Variants in CFAP46 observed in about 807,000 individuals in gnomAD.
CFAP46 encodes the protein cilia and flagella associated protein 46, also known as cilia- and flagella-associated protein 46.
A neutral mutation model predicts 325.7 loss-of-function variants in CFAP46; 245 were observed. The observed-to-expected ratio is 0.75, with a 90% CI of 0.68 to 0.84. CFAP46 has a LOEUF of 0.84. CFAP46 is among the 40% of genes least tolerant of loss of function. The probability of loss-of-function intolerance (pLI) is 0.00; values close to 1 mark genes in which losing one functional copy is unlikely to be tolerated. For missense variants in CFAP46, 3,346 were observed against 3,543.0 expected, an observed-to-expected ratio of 0.94 and a Z score of 1.41; for synonymous variants, 1,523 against 1,495.9, an observed-to-expected ratio of 1.02 and a Z score of -0.42.
intron 10 of CFAP46, 76 bp downstream of exon 10, chr10:132,926,492 G>A: frequency 9.3e-7 from 1 of 1,069,674 alleles, no homozygotes; most frequent in Non-Finnish European, 1.4e-6. Context: ...TCAAGCCTGG[G>A]ACACACTCAA....
At chr10:132,824,161 CTGTGTGCTGTGTGAGCGCTGA>C (rs1847974138) in intron 50 of CFAP46, among the ~76,000 whole-genome samples, 1 of 104,110 alleles carries the variant, frequency 9.6e-6, no homozygotes, top group African/African-American at 3.8e-5. Flanking sequence ...TGTGTGTGTG[CTGTGTGCTGTGTGAGCGCTGA>C]TGTGTGCTGT....
At chr10:132,882,767 T>A (rs1849068108) in intron 27 of CFAP46, among the ~76,000 whole-genome samples, 1 of 151,718 alleles carries the variant, frequency 6.6e-6, no homozygotes, top group African/African-American at 2.4e-5. Context: ...AGTGAGGTGG[T>A]GGGGCTTGGG....
At chr10:132,809,019 G>A in intron 57 of CFAP46, 115 bp from the exon 58 acceptor site, 1 of 1,068,428 alleles carries the variant, frequency 9.4e-7, no homozygotes, top group South Asian at 1.7e-5. Flanking sequence ...GGGCGCTCTG[G>A]GGAACACACT....
In CFAP46 at chr10:132,881,043, G is replaced by T; in HGVS notation, c.3628-11C>A. On this transcript the variant is annotated splice_polypyrimidine_tract_variant and intron_variant, in intron 27 of 57. Coordinates refer to ENST00000368586, the MANE Select transcript of CFAP46 (RefSeq NM_001200049.3). ...CTCCATCTCAGGCTTCTGTGGGATT[G>T]AACAGGAAGGGTGACATCCTCAGGA... The T allele has an allele frequency of 6.5e-7, 1 of 1,549,964 alleles. No individual in the cohort carries two copies. The highest frequency in any genetic ancestry group is 2.4e-5 in the East Asian group (1 of 40,898).
chr10:132,937,492 T>A (rs764734790), intron 6 of CFAP46, 60 bp downstream of exon 6: 2 of 1,604,956 alleles, frequency 1.2e-6, no homozygotes, highest in East Asian at 4.5e-5. Context: ...CGCAGTTTTC[T>A]GAACAATGAC....
chr10:132,879,940 C>G (rs919270382), intron 28 of CFAP46, among the ~76,000 whole-genome samples: 1 of 151,376 alleles, frequency 6.6e-6, no homozygotes, highest in Non-Finnish European at 1.5e-5. Context: ...TGCACCTGGC[C>G]TGGGCACCCC....
intron 19 of CFAP46, among the ~76,000 whole-genome samples, chr10:132,911,377 C>T (rs996566377): frequency 1.3e-5 from 2 of 152,180 alleles, no homozygotes; most frequent in African/African-American, 4.8e-5. Flanking sequence ...CTCCAGCCCG[C>T]GGTTTTATCC....
rs1850059542 is a variant in CFAP46 at position 132,939,097 on chromosome 10, C to T, written c.372-344G>A. On this transcript the variant is annotated intron_variant, in intron 4 of 57. Transcript: ENST00000368586. The surrounding 1 kb of genome is among the most constrained non-coding windows in gnomAD (Gnocchi z 4.6). ...TCGGCCCCCTCCCATGAAAATACAC[C>T]ACTGGGCAAGGCCTCCTCTGACTCT... Among the ~76,000 whole-genome samples the T allele has an allele frequency of 6.6e-6, 1 of 152,156 alleles. No homozygotes were observed. The highest frequency in any genetic ancestry group is 2.1e-4 in the South Asian group (1 of 4,830).
chr10:132,814,167 C>G lies in CFAP46; in HGVS notation c.7373G>C (p.Ser2458Thr), dbSNP rs770259026. Reference sequence around the variant, plus strand: ...AGATCCGAACCTGGGAAAGTGCTTGCTTCCCAGATGTCCCGCCCATCGCGA... The same window carrying G: ...AGATCCGAACCTGGGAAAGTGCTTGGTTCCCAGATGTCCCGCCCATCGCGA... ...FTSRWAGHLG[S>T]KHFPSQAQWE... Residue 2458 changes from serine (S) to threonine (T), a missense_variant, in exon 54 of 58, where the codon AGC becomes ACC. Transcript: ENST00000368586. 7 of 1,613,706 alleles carry G rather than the reference C, an allele frequency of 4.3e-6. No individual in the cohort carries two copies. The highest frequency in any genetic ancestry group is 5.9e-6 in the Non-Finnish European group (7 of 1,179,844).
intron 22 of CFAP46, among the ~76,000 whole-genome samples, chr10:132,900,104 C>T (rs375388580): frequency 1.3e-5 from 2 of 152,204 alleles, no homozygotes; most frequent in African/African-American, 4.8e-5. Context: ...CCAGTCAGCC[C>T]CCAGAACCAT....
In CFAP46 at chr10:132,860,767, C is replaced by T. The variant is rs199831017; in HGVS notation, c.5091+15G>A. The T allele has an allele frequency of 7.7e-6, 12 of 1,549,732 alleles. No individual in the cohort carries two copies. The Middle Eastern group carries it at 5.3e-4, about 68-fold the overall frequency. On this transcript the variant is annotated intron_variant, in intron 36 of 57. Coordinates refer to ENST00000368586, the MANE Select transcript of CFAP46 (RefSeq NM_001200049.3). The stretch of plus-strand genomic sequence containing the variant: ...CGGCACCCGACATGCAGCCCCAGGT[C>T]CCCGTGCCTCTTACCGTAGCTTCCC...
At chr10:132,824,991 G>GA (rs1226157560) in intron 50 of CFAP46, among the ~76,000 whole-genome samples, 3 of 137,564 alleles carry the variant, frequency 2.2e-5, no homozygotes, top group African/African-American at 5.4e-5. Flanking sequence ...GATGTGTGCT[G>GA]TGTGTGCTGA....
chr10:132,818,329 G>A (rs1306460078), intron 50 of CFAP46, among the ~76,000 whole-genome samples: 4 of 152,074 alleles, frequency 2.6e-5, no homozygotes, highest in Non-Finnish European at 4.4e-5. Context: ...AGGTGGAAAC[G>A]TGAAAGGTGG....
chr10:132,812,987 G>C (rs1847612909), intron 54 of CFAP46, 90 bp from the exon 55 acceptor site: 5 of 932,554 alleles, frequency 5.4e-6, no homozygotes, highest in Non-Finnish European at 8.3e-6. Context: ...CATCCTGCGT[G>C]GTCCACGCCT....
At chr10:132,916,873 A>G (rs1405859814) in intron 16 of CFAP46, among the ~76,000 whole-genome samples, 191 bp from the exon 17 acceptor site, 1 of 152,114 alleles carries the variant, frequency 6.6e-6, no homozygotes, top group East Asian at 1.9e-4. Context: ...CCAGCTCCTC[A>G]CAGACTCTCT....
At position 132,937,606 on chromosome 10, in the gene CFAP46, A is replaced by C; in HGVS notation, c.606T>G (p.Ala202=). The change falls in exon 6 of 58, where the codon GCT becomes GCG. Residue 202 remains alanine, a synonymous_variant. Coordinates refer to ENST00000368586, the MANE Select transcript of CFAP46 (RefSeq NM_001200049.3). The stretch of plus-strand genomic sequence containing the variant: ...GTGGCACGTGAGACTTAATGAACGG[A>C]GCTGCCGTGGAGCAGAACCTGGCAG... ...EEAARFCSTA[A]PFIKSHVPQK... is the part of the protein sequence containing the mutation. 2 of 1,613,658 alleles carry C rather than the reference A, an allele frequency of 1.2e-6. No individual in the cohort carries two copies. Among genetic ancestry groups the C allele is most frequent in the Middle Eastern group, 1.6e-4 (1 of 6,062 alleles).
chr10:132,909,757 G>A (rs1849512960), intron 20 of CFAP46, among the ~76,000 whole-genome samples, 162 bp downstream of exon 20: 2 of 152,248 alleles, frequency 1.3e-5, no homozygotes, highest in Admixed American at 1.3e-4. Flanking sequence ...CTCAAGGGCA[G>A]CCAGCGGCGG....
Position 132,869,414 on chromosome 10 carries a change from C to A in CFAP46, c.4512-42G>T. On this transcript the variant is annotated intron_variant, in intron 32 of 57. Transcript: ENST00000368586. This position sits in a 1 kb window ranked among gnomAD's most constrained non-coding sequence, Gnocchi z 6.2. ...CGAAAGAGTCAGTGTTGCACGGGCG[C>A]AGAGGGAGCCAGAAACGAAGCTACT... 1 of 1,415,016 alleles carries A rather than the reference C, an allele frequency of 7.1e-7. No individual in the cohort carries two copies. The highest frequency in any genetic ancestry group is 9.4e-7 in the Non-Finnish European group (1 of 1,059,266). The allele number at this position is 1,415,016 out of a possible 1,614,324, so 87.7% of individuals were successfully genotyped here. A position where few individuals can be genotyped will look rare whatever the true frequency, so the allele number is the denominator to read the frequency against.
Position 132,839,364 on chromosome 10 carries a change from A to G in CFAP46, c.6439-2450T>C, listed in dbSNP as rs1413757842. Among the ~76,000 whole-genome samples, 3 of 152,224 alleles carry G rather than the reference A, an allele frequency of 2.0e-5. No individual in the cohort carries two copies. The East Asian group carries it at 5.8e-4, about 29-fold the overall frequency. ...ACAACATTGCTAATAGCTCAGGGGAACCAGGCTAAGACCTCACCGGAAGGA... is the reference window on the plus strand; with the variant it reads ...ACAACATTGCTAATAGCTCAGGGGAGCCAGGCTAAGACCTCACCGGAAGGA... On this transcript the variant is annotated intron_variant, in intron 44 of 57. Coordinates refer to ENST00000368586, the MANE Select transcript of CFAP46 (RefSeq NM_001200049.3).
Sources: gnomAD v4.1 joint callset for allele counts (sites outside exome capture counted in the v4.1 genomes callset) on GRCh38, gnomAD v4.1.1 for gene constraint, Gnocchi (gnomAD v3.1) non-coding constraint, MANE v1.5 for transcripts, NCBI Gene and HGNC (gene_info 2026-07-23, HGNC 2026-07-21) for gene names.